Variants in PDE4D observed in about 807,000 individuals in gnomAD.
PDE4D encodes 3',5'-cyclic-AMP phosphodiesterase 4D.
PDE4D carries 24 observed loss-of-function variants against 87.4 expected under a neutral mutation model. The observed-to-expected ratio is 0.27, with a 90% confidence interval of 0.20 to 0.39. The LOEUF is 0.39. Among genes scored for constraint, PDE4D ranks in the 10% least tolerant of loss-of-function variants. The pLI is 1.00. For missense variants in PDE4D, 714 were observed against 1,041.0 expected, an observed-to-expected ratio of 0.69 and a Z score of 4.32; for synonymous variants, 384 against 383.2, an observed-to-expected ratio of 1.00 and a Z score of -0.02.
chr5:60,227,628 G>A (rs558360034), intron 1 of PDE4D, among the ~76,000 whole-genome samples: 2 of 135,498 alleles, frequency 1.5e-5, no homozygotes, highest in South Asian at 2.8e-4. Flanking sequence ...GGGAAGGAGG[G>A]AGGGAGGGAG....
At chr5:60,396,474 C>CCT (rs1186847363) in intron 1 of PDE4D, among the ~76,000 whole-genome samples, 1 of 152,066 alleles carries the variant, frequency 6.6e-6, no homozygotes, top group Non-Finnish European at 1.5e-5. Flanking sequence ...AGACCTGTTC[C>CCT]CTCTCTCTCT....
intron 5 of PDE4D, among the ~76,000 whole-genome samples, chr5:59,099,567 G>A (rs150257913): frequency 2.4e-4 from 37 of 152,326 alleles, no homozygotes; most frequent in Admixed American, 5.2e-4. Context: ...AAATGTGACA[G>A]TACGAGTTAC....
chr5:59,361,485 T>C (rs540636873), intron 1 of PDE4D, among the ~76,000 whole-genome samples: 1 of 152,308 alleles, frequency 6.6e-6, no homozygotes, highest in South Asian at 2.1e-4. Context: ...TACTCATGAA[T>C]ACAGTCTTAA....
intron 1 of PDE4D, among the ~76,000 whole-genome samples, chr5:59,281,016 C>G (rs1348351645): frequency 1.3e-5 from 2 of 152,094 alleles, no homozygotes; most frequent in Non-Finnish European, 2.9e-5. Flanking sequence ...CATCCTTCTC[C>G]TACTCTTTGC....
chr5:60,234,393 G>T (rs979825502), intron 1 of PDE4D, among the ~76,000 whole-genome samples: 1 of 151,608 alleles, frequency 6.6e-6, no homozygotes, highest in Non-Finnish European at 1.5e-5. Flanking sequence ...TATAAATAAT[G>T]CTACTATGAT....
intron 1 of PDE4D, among the ~76,000 whole-genome samples, chr5:59,337,244 G>T (rs1309932173): frequency 6.6e-6 from 1 of 151,120 alleles, no homozygotes; most frequent in Non-Finnish European, 1.5e-5. Flanking sequence ...TTCTTAAATT[G>T]TCAATGGTTA....
chr5:59,048,200 C>G (rs1271570312), intron 5 of PDE4D, among the ~76,000 whole-genome samples: 1 of 152,106 alleles, frequency 6.6e-6, no homozygotes, highest in Non-Finnish European at 1.5e-5. Context: ...GTTGTTTGAA[C>G]AAAGTTACAG....
intron 1 of PDE4D, among the ~76,000 whole-genome samples, chr5:59,695,093 C>A (rs148738639): frequency 6.6e-6 from 1 of 152,148 alleles, no homozygotes; most frequent in African/African-American, 2.4e-5. Flanking sequence ...TGGTCTCTAA[C>A]CTTTTAGGAT....
At chr5:60,085,763 TATTA>T (rs1233283867) in intron 2 of PDE4D, among the ~76,000 whole-genome samples, 1 of 152,222 alleles carries the variant, frequency 6.6e-6, no homozygotes, top group African/African-American at 2.4e-5. Flanking sequence ...TTATTGTTGT[TATTA>T]TTTAAATTGC....
At chr5:60,076,974 C>T (rs1434220295) in intron 2 of PDE4D, among the ~76,000 whole-genome samples, 3 of 152,284 alleles carry the variant, frequency 2.0e-5, no homozygotes, top group South Asian at 4.1e-4. Context: ...TGTGTGCATT[C>T]GTGCTGGTGG....
chr5:59,979,619 C>T (rs1761711981), intron 3 of PDE4D, among the ~76,000 whole-genome samples: 1 of 152,136 alleles, frequency 6.6e-6, no homozygotes, highest in African/African-American at 2.4e-5. Flanking sequence ...GTTGACCCAT[C>T]ATCCAGATAT....
At chr5:60,503,872 G>A (rs1258152715) in intron 1 of PDE4D, among the ~76,000 whole-genome samples, 3 of 152,184 alleles carry the variant, frequency 2.0e-5, no homozygotes, top group Middle Eastern at 3.4e-3. Context: ...AATTACAGAG[G>A]AAATTCCAAA....
chr5:59,921,802 T>C (rs1333567153), intron 3 of PDE4D, among the ~76,000 whole-genome samples: 2 of 152,174 alleles, frequency 1.3e-5, no homozygotes, highest in Non-Finnish European at 2.9e-5. Context: ...GATGACCAAA[T>C]AGAAGCCTCC....
At chr5:60,223,154 C>G (rs773134639) in intron 1 of PDE4D, among the ~76,000 whole-genome samples, 20 of 152,078 alleles carry the variant, frequency 1.3e-4, no homozygotes, top group Non-Finnish European at 2.8e-4. Context: ...ATGGAGGCAA[C>G]AGTGAGATAC....
chr5:60,394,333 A>G (rs1436038896), intron 1 of PDE4D, among the ~76,000 whole-genome samples: 1 of 152,250 alleles, frequency 6.6e-6, no homozygotes, highest in Non-Finnish European at 1.5e-5. Flanking sequence ...TTATAGTGGC[A>G]GCTCTTGCCT....
intron 1 of PDE4D, among the ~76,000 whole-genome samples, chr5:60,212,678 T>C (rs1347698070): frequency 2.0e-5 from 3 of 152,200 alleles, no homozygotes; most frequent in African/African-American, 7.2e-5. Flanking sequence ...ATTGCACCAC[T>C]TAAGCAGCTA....
chr5:59,968,988 G>T (rs1479536390), intron 3 of PDE4D, among the ~76,000 whole-genome samples: 1 of 131,782 alleles, frequency 7.6e-6, no homozygotes, highest in East Asian at 2.0e-4. Context: ...AGGAAGAAAA[G>T]GCACCCCCCC....
At chr5:59,926,071 T>C (rs1234988295) in intron 3 of PDE4D, among the ~76,000 whole-genome samples, 2 of 152,106 alleles carry the variant, frequency 1.3e-5, no homozygotes, top group Non-Finnish European at 2.9e-5. Flanking sequence ...CATATTTTTT[T>C]CCTCAGCACA....
intron 1 of PDE4D, among the ~76,000 whole-genome samples, chr5:60,346,265 T>G (rs570642393): frequency 6.6e-6 from 1 of 152,170 alleles, no homozygotes; most frequent in Non-Finnish European, 1.5e-5. Context: ...GTTCTCCTAG[T>G]GCTGAGTGGC....
Sources: allele counts gnomAD v4.1 joint callset (sites outside exome capture counted in the v4.1 genomes callset), GRCh38; gene constraint gnomAD v4.1.1; transcripts MANE v1.5; gene names NCBI Gene and HGNC (gene_info 2026-07-23, HGNC 2026-07-21).